The following TCOF1 variants were observed in gnomAD, a reference collection of about 807,000 sequenced individuals.
TCOF1 encodes treacle ribosome biogenesis factor 1.
Under a neutral mutation model 149.0 loss-of-function variants are expected in TCOF1, and 33 were observed. The ratio of observed to expected loss-of-function variants is 0.22; its 90% CI spans 0.17 to 0.30. TCOF1 has a LOEUF of 0.30. Among genes scored for constraint, TCOF1 ranks in the 10% least tolerant of loss-of-function variants. The pLI is 1.00. For missense variants in TCOF1, 1,728 were observed against 1,840.7 expected (o/e 0.94, Z 1.12); for synonymous variants, 789 against 738.8 (o/e 1.07, Z -1.10).
At chr5:150,375,957 A>C (rs888896806) in intron 12 of TCOF1, 48 bp downstream of exon 12, 1 of 1,613,932 alleles carries the variant, frequency 6.2e-7, no homozygotes. Flanking sequence ...CTGCCACACC[A>C]CAGTCAGCAC....
intron 14 of TCOF1, 148 bp downstream of exon 14, chr5:150,376,768 T>C: frequency 2.4e-6 from 2 of 818,438 alleles, no homozygotes; most frequent in Non-Finnish European, 4.1e-6. Context: ...TATCTTTCAC[T>C]CCATGTCTCC....
In TCOF1 at chr5:150,387,904, G is replaced by A. The variant is rs1382166995; in HGVS notation, c.2862G>A (p.Val954=). The A allele has an allele frequency of 3.1e-6, 5 of 1,613,840 alleles. No homozygotes were observed. Among genetic ancestry groups the A allele is most frequent in the Admixed American group, 3.3e-5 (2 of 60,022 alleles). Residue 954 remains valine (V), a splice_region_variant and synonymous_variant, in exon 18 of 27, where the codon GTG becomes GTA. Coordinates refer to ENST00000643257, the MANE Select transcript of TCOF1 (RefSeq NM_001371623.1). ...GTGTTTTGTTTTTGTTTTTCAAGGTGATTAAACCCCCTCTGATTTTTGTCG... is the reference window on the plus strand; with the variant it reads ...GTGTTTTGTTTTTGTTTTTCAAGGTAATTAAACCCCCTCTGATTTTTGTCG... ...EAPAAVTSAQ[V]IKPPLIFVDP...
rs199890846 is a variant in TCOF1, at chr5:150,396,520, G to A, written c.4023G>A (p.Lys1341=). 2.3e-5 allele frequency: 37 copies of A among 1,610,094 alleles called. No homozygotes were observed. In the East Asian group the frequency reaches 6.9e-4, roughly 30 times the overall value. The change falls in exon 24 of 27, where the codon AAG becomes AAA. Residue 1341 remains lysine (K), a synonymous_variant. Transcript: ENST00000643257. ...VVDTTKESSR[K]GWESRKRKLS... ...ACACCACCAAGGAGAGCAGCAGGAA[G>A]GGCTGGGAGAGCCGCAAGCGGAAGC...
chr5:150,376,405 T>C lies in TCOF1; in HGVS notation c.2143-18T>C. 6.2e-7 allele frequency: 1 copy of C among 1,614,174 alleles called. No homozygotes were observed. The highest frequency in any genetic ancestry group is 2.2e-5 in the East Asian group (1 of 44,878). ...CTTTGGACTCCTGGAGACACCTCTC[T>C]TCCCCTTGTCATCCCAGGCAAAGTC... On this transcript the variant is annotated intron_variant, in intron 13 of 26. Transcript: ENST00000643257.
At chr5:150,375,225 G>A (rs1763478267) in intron 10 of TCOF1, 62 bp downstream of exon 10, 9 of 1,612,186 alleles carry the variant, frequency 5.6e-6, no homozygotes, top group Non-Finnish European at 7.6e-6. Context: ...CTGTGGTTTT[G>A]ACTTTTCCTC....
chr5:150,396,244 C>T, intron 23 of TCOF1, 38 bp from the exon 24 acceptor site: 2 of 1,609,690 alleles, frequency 1.2e-6, no homozygotes, highest in East Asian at 2.2e-5. Context: ...TGTCCCCCAA[C>T]TCTCCCAGAT....
chr5:150,374,976 C>T lies in TCOF1; in HGVS notation c.1301C>T (p.Pro434Leu), dbSNP rs1763406402. 6.2e-7 allele frequency: 1 copy of T among 1,613,484 alleles called. No individual in the cohort carries two copies. The highest frequency in any genetic ancestry group is 8.5e-7 in the Non-Finnish European group (1 of 1,179,896). Reference sequence around the variant, plus strand: ...CAGGCGAAGCCTTCAGGGAAGGCCCCCCAGGTCAGAGCCGCCTCGGCCCCT... The same window carrying T: ...CAGGCGAAGCCTTCAGGGAAGGCCCTCCAGGTCAGAGCCGCCTCGGCCCCT... The part of the protein sequence containing the change: ...PAQAKPSGKA[P>L]QVRAASAPAK... The change falls in exon 10 of 27, where the codon CCC (proline) becomes CTC (leucine). Residue 434 changes from proline to leucine, a missense_variant. Physicochemically the swap from Pro to Leu is moderately conservative, Grantham distance 98. Transcript: ENST00000643257.
At chr5:150,397,116 G>A (rs182172770) in intron 24 of TCOF1, among the ~76,000 whole-genome samples, 3 of 133,696 alleles carry the variant, frequency 2.2e-5, no homozygotes, top group Admixed American at 8.7e-5. Context: ...CCGAGATCAC[G>A]CATTGCACTC....
rs1767132341 is a variant in TCOF1, at chr5:150,390,257, G to A, written c.3183+234G>A. ...GCCTCCTGGCCAAGCAAGCCCTGCA[G>A]CACTCGAGTCCCTCATGAGATTTTC... On this transcript the variant is annotated intron_variant, in intron 19 of 26. Coordinates refer to ENST00000643257, the MANE Select transcript of TCOF1 (RefSeq NM_001371623.1). 2.6e-5 allele frequency among the ~76,000 whole-genome samples: 4 copies of A among 152,228 alleles called. No homozygotes were observed. In the South Asian group the frequency reaches 8.3e-4, roughly 31 times the overall value.
intron 17 of TCOF1, 119 bp downstream of exon 17, chr5:150,379,851 C>A: frequency 7.9e-7 from 1 of 1,268,004 alleles, no homozygotes; most frequent in Non-Finnish European, 1.1e-6. Flanking sequence ...GCAGATGTAT[C>A]ACTTGAGGTC....
At chr5:150,397,784 C>G (rs369320559) in intron 24 of TCOF1, among the ~76,000 whole-genome samples, 1 of 152,074 alleles carries the variant, frequency 6.6e-6, no homozygotes, top group South Asian at 2.1e-4. Flanking sequence ...AATAAATTTG[C>G]GGGAGTTTTA....
At chr5:150,380,088 A>AAAAAAG (rs1764775738) in intron 17 of TCOF1, 1 of 266,854 alleles carries the variant, frequency 3.7e-6, no homozygotes. Flanking sequence ...AAAAAAAAGA[A>AAAAAAG]AAAAAAGAAA....
intron 17 of TCOF1, among the ~76,000 whole-genome samples, chr5:150,386,308 C>T (rs1285676782): frequency 6.6e-6 from 1 of 152,208 alleles, no homozygotes; most frequent in African/African-American, 2.4e-5. Flanking sequence ...TCTTCGTCCC[C>T]GACAATCTGT....
chr5:150,383,157 G>A (rs1268436151), intron 17 of TCOF1: 2 of 1,535,768 alleles, frequency 1.3e-6, no homozygotes, highest in East Asian at 2.4e-5. Context: ...GTGAGGAAGA[G>A]CTGCCACTGA....
intron 26 of TCOF1, 83 bp downstream of exon 26, chr5:150,399,153 C>A: frequency 1.9e-6 from 3 of 1,583,606 alleles, no homozygotes; most frequent in Non-Finnish European, 2.6e-6. Flanking sequence ...CCAGGCAGAC[C>A]TGATAGGTGG....
intron 23 of TCOF1, among the ~76,000 whole-genome samples, chr5:150,395,163 G>A (rs1324648441): frequency 6.6e-6 from 1 of 152,250 alleles, no homozygotes; most frequent in African/African-American, 2.4e-5. Flanking sequence ...AGAAATCCTG[G>A]TTGGGGCTGA....
At chr5:150,359,906 GAGA>G (rs1322594380) in intron 1 of TCOF1, among the ~76,000 whole-genome samples, 2 of 152,224 alleles carry the variant, frequency 1.3e-5, no homozygotes, top group African/African-American at 4.8e-5. Flanking sequence ...AAGTCTCATT[GAGA>G]AGGTGTCATT....
intron 3 of TCOF1, chr5:150,367,480 C>T: frequency 3.3e-6 from 1 of 300,442 alleles, no homozygotes; most frequent in Non-Finnish European, 6.6e-6. Flanking sequence ...GCTTTCAGGG[C>T]TACAGTGTGG....
intron 18 of TCOF1, 21 bp downstream of exon 18, chr5:150,388,109 G>A (rs778260741): frequency 1.2e-6 from 2 of 1,613,016 alleles, no homozygotes; most frequent in Non-Finnish European, 1.7e-6. Flanking sequence ...CCCTTATGCA[G>A]TGGTGGGAGG....
Sources: gnomAD v4.1 joint callset for allele counts (sites outside exome capture counted in the v4.1 genomes callset) on GRCh38, gnomAD v4.1.1 for gene constraint, MANE v1.5 for transcripts, NCBI Gene and HGNC (gene_info 2026-07-23, HGNC 2026-07-21) for gene names.